RBFOX1: variants seen among roughly 807,000 people sequenced by gnomAD.
RBFOX1 encodes the protein RNA binding protein fox-1 homolog 1.
Under a neutral mutation model 57.7 loss-of-function variants are expected in RBFOX1, and 8 were observed. The ratio of observed to expected loss-of-function variants is 0.14; its 90% CI spans 0.08 to 0.25. The LOEUF (loss-of-function observed/expected upper bound fraction) is 0.25, where lower values mean the gene tolerates loss of function less well. Ranked by LOEUF, RBFOX1 falls within the 10% of genes least tolerant of loss-of-function variation. The probability of loss-of-function intolerance (pLI) is 1.00; values close to 1 mark genes in which losing one functional copy is unlikely to be tolerated. For missense variants in RBFOX1, 611 were observed against 548.5 expected (o/e 1.11, Z -1.14); for synonymous variants, 326 against 222.4 (o/e 1.47, Z -4.15).
chr16:6,291,053 T>A (rs552130226), intron 1 of RBFOX1, among the ~76,000 whole-genome samples: 1 of 152,340 alleles, frequency 6.6e-6, no homozygotes, highest in Admixed American at 6.5e-5. Flanking sequence ...TAGGGTAACT[T>A]GCTGATGTTG....
chr16:6,381,266 TACCC>T (rs2091786656), intron 2 of RBFOX1, among the ~76,000 whole-genome samples: 1 of 152,230 alleles, frequency 6.6e-6, no homozygotes, highest in Non-Finnish European at 1.5e-5. Context: ...GCATTTAGTG[TACCC>T]ATCACTGGAA....
At chr16:6,788,455 T>A (rs1043032793) in intron 3 of RBFOX1, among the ~76,000 whole-genome samples, 1 of 150,686 alleles carries the variant, frequency 6.6e-6, no homozygotes. Flanking sequence ...ATTTTTTTTT[T>A]ATTATTATTT....
chr16:7,352,875 C>A (rs750095493), intron 4 of RBFOX1, among the ~76,000 whole-genome samples: 7 of 152,034 alleles, frequency 4.6e-5, no homozygotes. Context: ...GCCACCATGA[C>A]CAGCTAATTT....
chr16:6,991,555 G>C (rs1001493187), intron 3 of RBFOX1, among the ~76,000 whole-genome samples: 3 of 152,034 alleles, frequency 2.0e-5, no homozygotes, highest in African/African-American at 7.2e-5. Context: ...TTGTTGTTTT[G>C]AGATGGGGTC....
chr16:6,040,141 G>C (rs2095420277), intron 1 of RBFOX1, among the ~76,000 whole-genome samples: 1 of 152,144 alleles, frequency 6.6e-6, no homozygotes, highest in Non-Finnish European at 1.5e-5. Flanking sequence ...AAAGCCCATA[G>C]TTTACATATT....
chr16:6,888,072 A>G (rs2064541180), intron 3 of RBFOX1, among the ~76,000 whole-genome samples: 1 of 152,098 alleles, frequency 6.6e-6, no homozygotes, highest in Admixed American at 6.5e-5. Context: ...TTCCCAGGTA[A>G]TTAGTGTAAA....
chr16:7,184,019 G>A (rs1391938520), intron 4 of RBFOX1, among the ~76,000 whole-genome samples: 1 of 152,220 alleles, frequency 6.6e-6, no homozygotes, highest in Non-Finnish European at 1.5e-5. Flanking sequence ...GAGGGGCGAT[G>A]CAGATGGCTG....
chr16:6,620,576 A>T (rs547315637), intron 2 of RBFOX1, among the ~76,000 whole-genome samples: 1 of 152,226 alleles, frequency 6.6e-6, no homozygotes, highest in South Asian at 2.1e-4. Context: ...TTTAAACAAC[A>T]ACAATAACAA....
intron 4 of RBFOX1, among the ~76,000 whole-genome samples, chr16:5,950,930 C>T (rs1341769646): frequency 2.0e-5 from 3 of 152,016 alleles, no homozygotes; most frequent in Admixed American, 1.3e-4. Flanking sequence ...GGATAAGAGA[C>T]CTACCCAAAG....
intron 2 of RBFOX1, among the ~76,000 whole-genome samples, chr16:6,574,814 G>A (rs1346929518): frequency 6.7e-6 from 1 of 149,428 alleles, no homozygotes; most frequent in Non-Finnish European, 1.5e-5. Context: ...CAAAGTGGGC[G>A]GATCACGAGG....
chr16:6,245,500 C>T (rs1392694893), intron 1 of RBFOX1, among the ~76,000 whole-genome samples: 1 of 152,182 alleles, frequency 6.6e-6, no homozygotes, highest in Admixed American at 6.5e-5. Context: ...GACAAGATAG[C>T]ATGCCCTTTG....
chr16:6,638,807 AC>A (rs1419586790), intron 2 of RBFOX1, among the ~76,000 whole-genome samples: 1 of 152,176 alleles, frequency 6.6e-6, no homozygotes, highest in African/African-American at 2.4e-5. Context: ...GGTGATGGCC[AC>A]CATTTTGGTC....
chr16:6,979,139 C>T (rs183711074), intron 3 of RBFOX1, among the ~76,000 whole-genome samples: 179 of 152,284 alleles, frequency 1.2e-3, no homozygotes, highest in African/African-American at 3.9e-3. Context: ...AAAATCAGAC[C>T]TGAATTCAAA....
At chr16:6,940,763 A>AGTGTGTGTGTGTGTGTGTGTGTGTGT (rs61349150) in intron 3 of RBFOX1, among the ~76,000 whole-genome samples, 1 of 114,420 alleles carries the variant, frequency 8.7e-6, no homozygotes, top group Non-Finnish European at 1.8e-5. Context: ...ATGTCCCGCT[A>AGTGTGTGTGTGTGTGTGTGTGTGTGT]GTGTGTGTGT....
At chr16:5,756,950 C>G (rs1376502372) in intron 3 of RBFOX1, among the ~76,000 whole-genome samples, 1 of 152,198 alleles carries the variant, frequency 6.6e-6, no homozygotes, top group Non-Finnish European at 1.5e-5. Context: ...ACTGTATTAT[C>G]TTAACACAAT....
intron 4 of RBFOX1, among the ~76,000 whole-genome samples, chr16:7,085,117 G>C: frequency 6.6e-6 from 1 of 152,132 alleles, no homozygotes; most frequent in East Asian, 1.9e-4. Context: ...GTGTGTGTTT[G>C]TGTGTGTACT....
At chr16:7,014,655 A>G (rs190566310) in intron 3 of RBFOX1, among the ~76,000 whole-genome samples, 244 of 152,296 alleles carry the variant, frequency 1.6e-3, no homozygotes, top group African/African-American at 5.6e-3. Context: ...TTTGATTCTC[A>G]GTCTTTCAAG....
chr16:6,718,106 G>T (rs903562786), intron 3 of RBFOX1, among the ~76,000 whole-genome samples: 1 of 152,160 alleles, frequency 6.6e-6, no homozygotes, highest in Non-Finnish European at 1.5e-5. Flanking sequence ...TACCCATCTG[G>T]TGGGTATTTT....
chr16:5,918,339 C>T (rs934965316), intron 4 of RBFOX1, among the ~76,000 whole-genome samples: 5 of 152,252 alleles, frequency 3.3e-5, no homozygotes, highest in South Asian at 2.1e-4. Context: ...AGGCTGGTCT[C>T]GAACTTCTGA....
Sources: gnomAD v4.1 joint callset for allele counts (sites outside exome capture counted in the v4.1 genomes callset) on GRCh38, gnomAD v4.1.1 for gene constraint, MANE v1.5 for transcripts, NCBI Gene and HGNC (gene_info 2026-07-23, HGNC 2026-07-21) for gene names.